The following ITPR1 variants were observed in gnomAD, a reference collection of about 807,000 sequenced individuals.
The protein encoded by ITPR1 is inositol 1,4,5-trisphosphate receptor type 1.
A neutral mutation model predicts 318.4 loss-of-function variants in ITPR1; 96 were observed. The ratio of observed to expected loss-of-function variants is 0.30; its 90% CI spans 0.26 to 0.36. The LOEUF (loss-of-function observed/expected upper bound fraction) is 0.36, where lower values mean the gene tolerates loss of function less well. Ranked by LOEUF, ITPR1 falls within the 10% of genes least tolerant of loss-of-function variation. The probability of loss-of-function intolerance (pLI) is 1.00; values close to 1 mark genes in which losing one functional copy is unlikely to be tolerated. For missense variants in ITPR1, 2,440 were observed against 3,460.2 expected (o/e 0.71, Z 7.40); for synonymous variants, 1,312 against 1,289.9 (o/e 1.02, Z -0.37).
chr3:4,718,178 C>T (rs1256719163), intron 40 of ITPR1, among the ~76,000 whole-genome samples: 2 of 152,158 alleles, frequency 1.3e-5, no homozygotes, highest in South Asian at 2.1e-4. Context: ...TAGGTTGTGA[C>T]ACATGCTAGG....
intron 44 of ITPR1, among the ~76,000 whole-genome samples, chr3:4,764,337 G>T (rs1361839402): frequency 6.6e-6 from 1 of 152,198 alleles, no homozygotes; most frequent in Non-Finnish European, 1.5e-5. Context: ...CCATGGGGAG[G>T]GGGGCATCCA....
chr3:4,688,060 A>G (rs1204176745), intron 30 of ITPR1, among the ~76,000 whole-genome samples: 1 of 152,038 alleles, frequency 6.6e-6, no homozygotes, highest in South Asian at 2.1e-4. Context: ...TAAAATTTTT[A>G]TTATTTTTAT....
intron 35 of ITPR1, among the ~76,000 whole-genome samples, chr3:4,702,039 C>T (rs780457264): frequency 4.6e-5 from 7 of 152,124 alleles, no homozygotes; most frequent in Non-Finnish European, 5.9e-5. Flanking sequence ...AGTTGAATAG[C>T]GCAGCACACA....
intron 4 of ITPR1, among the ~76,000 whole-genome samples, chr3:4,559,898 A>G (rs558303598): frequency 6.6e-6 from 1 of 152,240 alleles, no homozygotes; most frequent in African/African-American, 2.4e-5. Context: ...TCCCAATTTG[A>G]CATGCTAGTC....
In ITPR1 at chr3:4,779,502, C is replaced by T. The variant is rs1486017044; in HGVS notation, c.6292-48C>T. ...GTTGGCACCTGCATTCAGGCCGGGCCCCCAAGCAGCCCCTCTACATTTCCT... is the reference window on the plus strand; with the variant it reads ...GTTGGCACCTGCATTCAGGCCGGGCTCCCAAGCAGCCCCTCTACATTTCCT... On this transcript the variant is annotated intron_variant, in intron 48 of 61. Transcript: ENST00000649015. This position sits in a 1 kb window ranked among gnomAD's most constrained non-coding sequence, Gnocchi z 4.0. 7.0e-7 allele frequency: 1 copy of T among 1,435,922 alleles called. No homozygotes were observed. Among genetic ancestry groups the T allele is most frequent in the Non-Finnish European group, 9.8e-7 (1 of 1,020,060 alleles). 88.9% of individuals were successfully genotyped at this position (1,435,922 alleles called of 1,614,324 possible). A position where few individuals can be genotyped will look rare whatever the true frequency, so the allele number is the denominator to read the frequency against.
At chr3:4,498,301 A>G (rs1433254014) in intron 2 of ITPR1, among the ~76,000 whole-genome samples, 2 of 152,240 alleles carry the variant, frequency 1.3e-5, no homozygotes, top group Middle Eastern at 6.3e-3. Context: ...ATCTCAGCAC[A>G]GATCTGAAGG....
chr3:4,829,954 GT>G (rs35099159), intron 60 of ITPR1, among the ~76,000 whole-genome samples: 697 of 27,108 alleles, frequency 0.026, 6 homozygotes, highest in African/African-American at 0.056. Context: ...ATGTATAACA[GT>G]TTTTTTTTTT....
chr3:4,714,018 C>T (rs1574977091), intron 39 of ITPR1, among the ~76,000 whole-genome samples: 1 of 152,168 alleles, frequency 6.6e-6, no homozygotes, highest in Non-Finnish European at 1.5e-5. Flanking sequence ...ATTAATTGAG[C>T]TTCAAAAGAG....
chr3:4,605,633 C>T (rs778354961), intron 4 of ITPR1, among the ~76,000 whole-genome samples: 35 of 152,118 alleles, frequency 2.3e-4, no homozygotes, highest in Non-Finnish European at 2.9e-4. Context: ...TATGAATGAT[C>T]AAGCAGCTGT....
intron 44 of ITPR1, among the ~76,000 whole-genome samples, chr3:4,744,958 C>G (rs1011370268): frequency 8.6e-6 from 1 of 116,622 alleles, no homozygotes; most frequent in Admixed American, 1.1e-4. Context: ...CCCTCCCTCC[C>G]TCCTTCCTTC....
intron 5 of ITPR1, among the ~76,000 whole-genome samples, chr3:4,634,061 G>C (rs2093101062): frequency 6.6e-6 from 1 of 152,130 alleles, no homozygotes; most frequent in East Asian, 1.9e-4. Flanking sequence ...TAGGGAACAT[G>C]GTGAATAATA....
chr3:4,646,104 C>T, intron 10 of ITPR1: 1 of 194,318 alleles, frequency 5.1e-6, no homozygotes, highest in East Asian at 1.2e-4. Context: ...CTTTCCCTTG[C>T]TCATTTATCT....
At chr3:4,613,607 C>G (rs1196230597) in intron 4 of ITPR1, among the ~76,000 whole-genome samples, 1 of 152,122 alleles carries the variant, frequency 6.6e-6, no homozygotes, top group East Asian at 1.9e-4. Flanking sequence ...CTGCCTTTCT[C>G]TCTTCCTTAT....
At chr3:4,556,658 G>A (rs2086161716) in intron 4 of ITPR1, among the ~76,000 whole-genome samples, 1 of 151,964 alleles carries the variant, frequency 6.6e-6, no homozygotes. Flanking sequence ...TTTCTTTTCA[G>A]CGCTGAGTAA....
At chr3:4,528,691 A>T (rs1366937751) in intron 4 of ITPR1, among the ~76,000 whole-genome samples, 1 of 152,196 alleles carries the variant, frequency 6.6e-6, no homozygotes, top group Non-Finnish European at 1.5e-5. Flanking sequence ...TGTCTTGTTA[A>T]ATAAGGCAGA....
intron 53 of ITPR1, among the ~76,000 whole-genome samples, chr3:4,796,711 A>G (rs927209681): frequency 1.3e-5 from 2 of 152,144 alleles, no homozygotes; most frequent in African/African-American, 4.8e-5. Context: ...AGCCTCCTGC[A>G]GTGCCTTTCT....
At chr3:4,706,373 A>AG in intron 37 of ITPR1, 22 bp downstream of exon 37, 1 of 1,583,808 alleles carries the variant, frequency 6.3e-7, no homozygotes, top group Non-Finnish European at 8.6e-7. Flanking sequence ...TGTTGAGAGA[A>AG]GTGATGCTTA....
At chr3:4,713,426 T>C (rs2041528128) in intron 39 of ITPR1, among the ~76,000 whole-genome samples, 1 of 152,230 alleles carries the variant, frequency 6.6e-6, no homozygotes, top group Admixed American at 6.5e-5. Flanking sequence ...TGATTATACA[T>C]GCAGTTCCCT....
chr3:4,618,924 A>G (rs1334479138), intron 4 of ITPR1, among the ~76,000 whole-genome samples: 4 of 152,180 alleles, frequency 2.6e-5, no homozygotes, highest in African/African-American at 7.2e-5. Flanking sequence ...CAACCACACA[A>G]CTATTTAAAA....
Sources: gnomAD v4.1 joint callset for allele counts (sites outside exome capture counted in the v4.1 genomes callset) on GRCh38, gnomAD v4.1.1 for gene constraint, Gnocchi (gnomAD v3.1) non-coding constraint, MANE v1.5 for transcripts, NCBI Gene and HGNC (gene_info 2026-07-23, HGNC 2026-07-21) for gene names.